PAM: variants seen among roughly 807,000 people sequenced by gnomAD.
PAM encodes the protein peptidylglycine alpha-amidating monooxygenase.
A neutral mutation model predicts 122.1 loss-of-function variants in PAM; 72 were observed. The observed-to-expected ratio is 0.59, with a 90% CI of 0.49 to 0.72. The LOEUF is 0.72. PAM is among the 30% of genes least tolerant of loss of function. The pLI, the probability that PAM is intolerant of heterozygous loss-of-function variation, is 0.00. For synonymous variants in PAM, 389 were observed against 404.4 expected (o/e 0.96, Z 0.46); for missense variants, 1,106 against 1,183.7 (o/e 0.93, Z 0.96).
chr5:102,806,865 A>T (rs1169681637), intron 1 of PAM, among the ~76,000 whole-genome samples: 2 of 152,238 alleles, frequency 1.3e-5, no homozygotes, highest in Non-Finnish European at 2.9e-5. Flanking sequence ...CATATTCCAG[A>T]TTGTAAATTG....
At chr5:102,836,412 G>T (rs956001744) in intron 1 of PAM, among the ~76,000 whole-genome samples, 2 of 152,098 alleles carry the variant, frequency 1.3e-5, no homozygotes, top group Non-Finnish European at 2.9e-5. Context: ...AGTTTTGTTT[G>T]TAGAGATGGG....
chr5:102,859,659 A>G (rs1281971411), intron 1 of PAM, among the ~76,000 whole-genome samples: 2 of 152,198 alleles, frequency 1.3e-5, no homozygotes, highest in Admixed American at 6.5e-5. Flanking sequence ...AGTGTTATAA[A>G]GTCTATAGTA....
chr5:102,789,293 C>T (rs1337816453), intron 1 of PAM, among the ~76,000 whole-genome samples: 1 of 151,936 alleles, frequency 6.6e-6, no homozygotes, highest in Non-Finnish European at 1.5e-5. Context: ...TGGATATGTA[C>T]CCAAAAGAAT....
chr5:102,964,748 GCA>G (rs10558728), intron 14 of PAM, among the ~76,000 whole-genome samples: 43,236 of 151,306 alleles, frequency 0.29, 6,437 homozygotes, highest in East Asian at 0.43. Context: ...CATATGTAAA[GCA>G]CATTATTTTA....
chr5:102,949,419 G>A, intron 9 of PAM, 118 bp from the exon 10 acceptor site: 1 of 715,198 alleles, frequency 1.4e-6, no homozygotes, highest in Non-Finnish European at 2.6e-6. Flanking sequence ...GTGTATTTAA[G>A]TCATAAGAAA....
intron 12 of PAM, among the ~76,000 whole-genome samples, chr5:102,956,938 AT>A (rs1760943045): frequency 6.6e-6 from 1 of 152,116 alleles, no homozygotes. Flanking sequence ...CTTTGAGGAA[AT>A]ATATATTAAC....
chr5:102,898,401 G>A (rs1796762612), intron 3 of PAM, among the ~76,000 whole-genome samples: 1 of 151,600 alleles, frequency 6.6e-6, no homozygotes, highest in African/African-American at 2.4e-5. Context: ...GTGAATGGTT[G>A]TGCTGGTAGT....
intron 9 of PAM, among the ~76,000 whole-genome samples, chr5:102,949,309 G>T (rs1271711072): frequency 6.6e-6 from 1 of 151,990 alleles, no homozygotes. Context: ...TTTTGATTTG[G>T]TTCTAGTCAT....
At chr5:102,946,375 A>AT (rs1281412542) in intron 7 of PAM, among the ~76,000 whole-genome samples, 1 of 151,988 alleles carries the variant, frequency 6.6e-6, no homozygotes, top group Non-Finnish European at 1.5e-5. Flanking sequence ...TAATATATGA[A>AT]TGTCAGTAGA....
At chr5:102,923,229 A>G (rs1444980200) in intron 5 of PAM, among the ~76,000 whole-genome samples, 3 of 152,234 alleles carry the variant, frequency 2.0e-5, no homozygotes, top group African/African-American at 7.2e-5. Context: ...TCTGGCTAGA[A>G]GCAGAAAATA....
chr5:102,851,131 A>C (rs1781269181), intron 1 of PAM, among the ~76,000 whole-genome samples: 1 of 152,222 alleles, frequency 6.6e-6, no homozygotes, highest in South Asian at 2.1e-4. Context: ...TTTTATGTGC[A>C]TAAAAGTGGG....
chr5:102,963,712 G>A (rs1562054468), intron 14 of PAM, among the ~76,000 whole-genome samples: 2 of 151,792 alleles, frequency 1.3e-5, no homozygotes, highest in Admixed American at 6.6e-5. Context: ...CGATGGATAT[G>A]TACTCATGGA....
chr5:102,940,137 CACACACACACACAT>C (rs902837634), intron 7 of PAM, among the ~76,000 whole-genome samples: 53 of 150,768 alleles, frequency 3.5e-4, no homozygotes, highest in Admixed American at 2.0e-3. Flanking sequence ...CACACACACA[CACACACACACACAT>C]ACACACACAC....
intron 1 of PAM, among the ~76,000 whole-genome samples, chr5:102,780,419 G>C (rs1273469577): frequency 6.6e-6 from 1 of 152,028 alleles, no homozygotes; most frequent in African/African-American, 2.4e-5. Flanking sequence ...CTAAACATAA[G>C]GGGTTTTAAA....
At chr5:102,989,796 T>TTAGATAGATAGATAGG in intron 15 of PAM, 1 of 147,968 alleles carries the variant, frequency 6.8e-6, no homozygotes, top group East Asian at 2.0e-4. Context: ...AGATGATAGA[T>TTAGATAGATAGATAGG]TAGATAGATA....
intron 3 of PAM, among the ~76,000 whole-genome samples, chr5:102,875,861 T>C (rs779168705): frequency 2.6e-5 from 4 of 152,232 alleles, no homozygotes; most frequent in Non-Finnish European, 4.4e-5. Context: ...CAGTCGCTGA[T>C]AGAAACAATT....
At chr5:102,781,813 A>G (rs557225525) in intron 1 of PAM, among the ~76,000 whole-genome samples, 15 of 152,348 alleles carry the variant, frequency 9.8e-5, no homozygotes, top group African/African-American at 3.6e-4. Flanking sequence ...AACAATTTAC[A>G]TGGTGCTTCT....
chr5:102,966,436 G>T (rs1475018969), intron 14 of PAM, among the ~76,000 whole-genome samples: 2 of 151,984 alleles, frequency 1.3e-5, no homozygotes, highest in African/African-American at 2.4e-5. Context: ...AAGAAAAGTT[G>T]ATTTCTGATT....
intron 1 of PAM, among the ~76,000 whole-genome samples, chr5:102,790,617 A>G (rs1352810567): frequency 6.6e-6 from 1 of 152,102 alleles, no homozygotes. Context: ...TTTGCCAGGT[A>G]GAGAAGCGAT....
Sources: gnomAD v4.1 joint callset for allele counts (sites outside exome capture counted in the v4.1 genomes callset) on GRCh38, gnomAD v4.1.1 for gene constraint, MANE v1.5 for transcripts, NCBI Gene and HGNC (gene_info 2026-07-23, HGNC 2026-07-21) for gene names.